ZBBX: variants seen among roughly 807,000 people sequenced by gnomAD.
ZBBX encodes zinc finger B-box domain containing.
In ZBBX, 101 loss-of-function variants were observed where a neutral mutation model predicts 108.5. The observed-to-expected ratio is 0.93, with a 90% CI of 0.79 to 1.10. The LOEUF (loss-of-function observed/expected upper bound fraction) is 1.10. ZBBX is among the 50% of genes least tolerant of loss of function. The pLI is 0.00. For missense variants in ZBBX, 1,009 were observed against 941.4 expected, an observed-to-expected ratio of 1.07 and a Z score of -0.94; for synonymous variants, 356 against 323.4, an observed-to-expected ratio of 1.10 and a Z score of -1.08.
At chr3:167,349,279 A>C (rs1033521720) in intron 9 of ZBBX, among the ~76,000 whole-genome samples, 1 of 152,098 alleles carries the variant, frequency 6.6e-6, no homozygotes, top group Non-Finnish European at 1.5e-5. Flanking sequence ...ACAAAGTAGA[A>C]TGCCTTTTGT....
chr3:167,279,954 G>A (rs200636879), intron 20 of ZBBX, among the ~76,000 whole-genome samples: 59,621 of 150,506 alleles, frequency 0.4, 12,370 homozygotes, highest in East Asian at 0.72. Context: ...CATATCTACA[G>A]CTATCTGATC....
exon 1 of ZBBX, among the ~76,000 whole-genome samples, chr3:167,407,813 C>T (rs994896829): frequency 2.0e-5 from 3 of 151,964 alleles, no homozygotes; most frequent in Admixed American, 1.3e-4. Context: ...CTCACGCAGT[C>T]GACTCTGTGT....
chr3:167,259,972 A>G (rs1266577780), intron 20 of ZBBX, among the ~76,000 whole-genome samples: 1 of 152,100 alleles, frequency 6.6e-6, no homozygotes, highest in Non-Finnish European at 1.5e-5. Flanking sequence ...ATGTGTTTCT[A>G]GGGTTTGTTT....
At chr3:167,263,217 A>G (rs71304617) in intron 20 of ZBBX, among the ~76,000 whole-genome samples, 3,278 of 151,850 alleles carry the variant, frequency 0.022, 47 homozygotes, top group Non-Finnish European at 0.034. Context: ...TTGTACTTTT[A>G]GTAGAGACGG....
chr3:167,327,924 A>AAAG lies in ZBBX; in HGVS notation c.862+17_862+18insCTT, dbSNP rs1737699612. The AAAG allele has an allele frequency of 1.3e-6, 2 of 1,543,848 alleles. No individual in the cohort carries two copies. Among genetic ancestry groups the AAAG allele is most frequent in the East Asian group, 4.6e-5 (2 of 43,844 alleles). On this transcript the variant is annotated intron_variant, in intron 11 of 21. Transcript: ENST00000675490. ...GTGAGACTCTGTCTCAAAAAAAAAAAAAAAAAAAAAGCCATACCTTTTACT... is the reference window on the plus strand; with the variant it reads ...GTGAGACTCTGTCTCAAAAAAAAAAAAAGAAAAAAAAAAGCCATACCTTTTACT...
rs1381414840 is a variant in ZBBX at position 167,277,496 on chromosome 3, C to A, written c.2254+4742G>T. Among the ~76,000 whole-genome samples, 4 of 152,086 alleles carry A rather than the reference C, an allele frequency of 2.6e-5. 1 individual carries two copies. The highest frequency in any genetic ancestry group is 9.6e-5 in the African/African-American group (4 of 41,474). ...TTAAACCAACAAAGATCAAAAGAGA[C>A]AAAGAAGGCCATTACATAATGGTAA... On this transcript the variant is annotated intron_variant, in intron 20 of 21. Transcript: ENST00000675490.
rs1447303945 is a variant in ZBBX, at chr3:167,351,822, GC to G, written c.433-1308del. Among the ~76,000 whole-genome samples, 4 of 152,276 alleles carry G rather than the reference GC, an allele frequency of 2.6e-5. No individual in the cohort carries two copies. In the East Asian group the frequency reaches 5.8e-4, roughly 22 times the overall value. Reference sequence around the variant, plus strand: ...AAGAGGGGAAGCTGGGTGTTCTCATGCTCTGCCACTACTGATGCATGACCTG... The same window carrying G: ...AAGAGGGGAAGCTGGGTGTTCTCATGTCTGCCACTACTGATGCATGACCTG... On this transcript the variant is annotated intron_variant, in intron 8 of 21. Transcript: ENST00000675490.
At chr3:167,252,516 T>C (rs1018299701) in intron 20 of ZBBX, among the ~76,000 whole-genome samples, 42 of 152,002 alleles carry the variant, frequency 2.8e-4, no homozygotes, top group African/African-American at 9.9e-4. Context: ...TAGCCTGATA[T>C]GTCATCTTCT....
chr3:167,397,023 T>TCCC (rs1560216655), intron 1 of ZBBX, among the ~76,000 whole-genome samples: 16 of 151,444 alleles, frequency 1.1e-4, no homozygotes, highest in African/African-American at 3.9e-4. Flanking sequence ...ATGGCATTGC[T>TCCC]CATTTTTTTC....
chr3:167,326,440 A>C (rs1166481196), intron 11 of ZBBX, among the ~76,000 whole-genome samples: 1 of 152,148 alleles, frequency 6.6e-6, no homozygotes, highest in Non-Finnish European at 1.5e-5. Context: ...GTCTTTCAAA[A>C]TAAGCATTCA....
At chr3:167,219,262 A>G in the ZBBX span, among the ~76,000 whole-genome samples, 3,076 of 152,170 alleles carry the variant, frequency 0.02, 78 homozygotes, top group South Asian at 0.075. Context: ...CTTAATCTGC[A>G]TTATACACCA....
At chr3:167,205,954 A>G in the ZBBX span, among the ~76,000 whole-genome samples, 1 of 152,100 alleles carries the variant, frequency 6.6e-6, no homozygotes, top group Non-Finnish European at 1.5e-5. Flanking sequence ...CAAAATGAAT[A>G]CTTAACGATC....
At chr3:167,239,028 C>G (rs1296601938), downstream of ZBBX, among the ~76,000 whole-genome samples, 1 of 151,952 alleles carries the variant, frequency 6.6e-6, no homozygotes, top group Non-Finnish European at 1.5e-5. Flanking sequence ...GTTGATCTAT[C>G]TATAGAAAAA....
In ZBBX at chr3:167,239,919, G is replaced by A. The variant is rs1312160336; in HGVS notation, c.*874C>T. Among the ~76,000 whole-genome samples, 2 of 152,116 alleles carry A rather than the reference G, an allele frequency of 1.3e-5. No homozygotes were observed. The highest frequency in any genetic ancestry group is 4.8e-5 in the African/African-American group (2 of 41,436). Reference sequence around the variant, plus strand: ...GAGGCCTCAGGAAATCATGGTGAAAGGGGAAGCAAACACATTCTTCTTCAA... The same window carrying A: ...GAGGCCTCAGGAAATCATGGTGAAAAGGGAAGCAAACACATTCTTCTTCAA... On this transcript the variant is annotated 3_prime_UTR_variant, in exon 22 of 22. Coordinates refer to ENST00000675490, the MANE Select transcript of ZBBX (RefSeq NM_001199201.2).
chr3:167,339,805 G>A (rs1273736730), intron 9 of ZBBX, among the ~76,000 whole-genome samples: 5 of 151,980 alleles, frequency 3.3e-5, no homozygotes, highest in Admixed American at 6.6e-5. Context: ...TTGTCCTAAT[G>A]TTCTCCCTCT....
Position 167,350,517 on chromosome 3 carries a change from TA to T in ZBBX, c.433-3del. On this transcript the variant is annotated splice_polypyrimidine_tract_variant and splice_region_variant and intron_variant, in intron 8 of 21. Coordinates refer to ENST00000675490, the MANE Select transcript of ZBBX (RefSeq NM_001199201.2). ...ATCTTCTCCACATTCAAGGCATACC[TA>T]AAAAGATATTTTTTAAAAAATTATA... 1.3e-6 allele frequency: 2 copies of T among 1,562,232 alleles called. No homozygotes were observed. Among genetic ancestry groups the T allele is most frequent in the South Asian group, 2.5e-5 (2 of 79,854 alleles).
chr3:167,325,719 G>T (rs2108348114), intron 11 of ZBBX, among the ~76,000 whole-genome samples: 1 of 152,206 alleles, frequency 6.6e-6, no homozygotes, highest in South Asian at 2.1e-4. Context: ...TTCGCTGATA[G>T]AATTATTATT....
chr3:167,181,126 C>A, the ZBBX span, among the ~76,000 whole-genome samples: 3 of 152,164 alleles, frequency 2.0e-5, no homozygotes, highest in African/African-American at 7.2e-5. Flanking sequence ...CTGCCGCCAT[C>A]AAAAATGATA....
intron 6 of ZBBX, 35 bp from the exon 7 acceptor site, chr3:167,360,758 T>C (rs1007402019): frequency 7.8e-7 from 1 of 1,285,748 alleles, no homozygotes. Flanking sequence ...TTGTCAGGTA[T>C]ATATTATCTT....
Sources: gnomAD v4.1 joint callset for allele counts (sites outside exome capture counted in the v4.1 genomes callset) on GRCh38, gnomAD v4.1.1 for gene constraint, MANE v1.5 for transcripts, NCBI Gene and HGNC (gene_info 2026-07-23, HGNC 2026-07-21) for gene names.